Variants in AHCY observed in about 807,000 individuals in gnomAD.
AHCY encodes adenosylhomocysteinase, also known as S-adenosyl-L-homocysteine hydrolase.
In AHCY, 24 loss-of-function variants were observed where a neutral mutation model predicts 45.4. That is an observed-to-expected ratio of 0.53 (90% CI 0.38 to 0.74). AHCY has a LOEUF of 0.74. Ranked by LOEUF, AHCY falls within the 30% of genes least tolerant of loss-of-function variation. The probability of loss-of-function intolerance (pLI) is 0.00; values close to 1 mark genes in which losing one functional copy is unlikely to be tolerated. For missense variants in AHCY, 449 were observed against 594.1 expected (o/e 0.76, Z 2.54); for synonymous variants, 245 against 235.1 (o/e 1.04, Z -0.39).
At chr20:34,240,112 A>G in the AHCY span, among the ~76,000 whole-genome samples, 1 of 152,216 alleles carries the variant, frequency 6.6e-6, no homozygotes, top group Non-Finnish European at 1.5e-5. Flanking sequence ...GTTTTGAAAG[A>G]AAGCTCATTG....
chr20:34,295,267 G>T, intron 2 of AHCY, 128 bp downstream of exon 2: 1 of 1,131,618 alleles, frequency 8.8e-7, no homozygotes, highest in Non-Finnish European at 1.3e-6. Flanking sequence ...CGAGTGAGAG[G>T]GAGGAACCCC....
chr20:34,252,131 C>T, the AHCY span, among the ~76,000 whole-genome samples: 4 of 152,182 alleles, frequency 2.6e-5, no homozygotes, highest in East Asian at 1.9e-4. Flanking sequence ...CCTGCCCCTC[C>T]ACACCTGTGG....
At chr20:34,274,783 CA>C in the AHCY span, among the ~76,000 whole-genome samples, 58 of 151,266 alleles carry the variant, frequency 3.8e-4, no homozygotes, top group African/African-American at 1.4e-3. Context: ...CCCATCTCTA[CA>C]AAAAAAAATT....
At chr20:34,301,332 T>G (rs1298893633) in intron 1 of AHCY, among the ~76,000 whole-genome samples, 1 of 152,120 alleles carries the variant, frequency 6.6e-6, no homozygotes, top group Admixed American at 6.5e-5. Context: ...ACTCCTTCAG[T>G]GCCCTCGAGG....
At chr20:34,242,147 A>G in the AHCY span, among the ~76,000 whole-genome samples, 1 of 152,086 alleles carries the variant, frequency 6.6e-6, no homozygotes, top group Non-Finnish European at 1.5e-5. Flanking sequence ...TAAAGAGGCT[A>G]AATGGGATGG....
chr20:34,235,840 A>AGAAGGAAG, the AHCY span, among the ~76,000 whole-genome samples: 4 of 53,788 alleles, frequency 7.4e-5, no homozygotes, highest in African/African-American at 3.8e-4. Context: ...AAAGAAAGAA[A>AGAAGGAAG]GAAGGAAGGA....
At chr20:34,237,663 T>C in the AHCY span, among the ~76,000 whole-genome samples, 1 of 152,180 alleles carries the variant, frequency 6.6e-6, no homozygotes, top group Non-Finnish European at 1.5e-5. Flanking sequence ...GCCTAATTGT[T>C]CTAGGTAGAA....
At position 34,290,418 on chromosome 20, in the gene AHCY, C is replaced by A; in HGVS notation, c.886G>T (p.Val296Leu). Reference sequence around the variant, plus strand: ...ACGTCAAAGTGTCCAATGTTACACACAATGGCATCATCCTTCATCTGCTCA... The same window carrying A: ...ACGTCAAAGTGTCCAATGTTACACAAAATGGCATCATCCTTCATCTGCTCA... ...HFEQMKDDAI[V>L]CNIGHFDVEI... The change falls in exon 8 of 10, where the codon GTG becomes TTG. Residue 296 changes from valine to leucine, a missense_variant. Val to Leu is a conservative substitution (Grantham distance 32, BLOSUM62 1). Transcript: ENST00000217426. This position sits in a 1 kb window ranked among gnomAD's most constrained non-coding sequence, Gnocchi z 4.5. 1.2e-6 allele frequency: 2 copies of A among 1,614,256 alleles called. No individual in the cohort carries two copies. The highest frequency in any genetic ancestry group is 2.2e-5 in the South Asian group (2 of 91,084).
At chr20:34,242,195 T>C in the AHCY span, among the ~76,000 whole-genome samples, 1 of 151,236 alleles carries the variant, frequency 6.6e-6, no homozygotes, top group East Asian at 1.9e-4. Flanking sequence ...TTTAAAATTT[T>C]TATTTTATTT....
the AHCY span, among the ~76,000 whole-genome samples, chr20:34,253,086 A>G: frequency 6.6e-6 from 1 of 152,072 alleles, no homozygotes; most frequent in Non-Finnish European, 1.5e-5. Flanking sequence ...TAGACACAGT[A>G]ACAACCTGAT....
chr20:34,273,841 T>G, the AHCY span, among the ~76,000 whole-genome samples: 1 of 152,164 alleles, frequency 6.6e-6, no homozygotes, highest in African/African-American at 2.4e-5. Context: ...TTTGTTTAAT[T>G]GGTAAAATCC....
chr20:34,260,152 T>G, the AHCY span, among the ~76,000 whole-genome samples: 1 of 151,996 alleles, frequency 6.6e-6, no homozygotes. Context: ...CTTCTGTTCC[T>G]TGTCTTTCTC....
the AHCY span, among the ~76,000 whole-genome samples, chr20:34,258,702 ATATATATT>A: frequency 3.1e-4 from 29 of 94,832 alleles, 4 homozygotes; most frequent in African/African-American, 9.8e-4. Context: ...CATACTATAT[ATATATATT>A]ATATATATTA....
intron 1 of AHCY, among the ~76,000 whole-genome samples, chr20:34,310,706 T>G (rs2036938744): frequency 6.6e-6 from 1 of 152,246 alleles, no homozygotes; most frequent in Non-Finnish European, 1.5e-5. Context: ...TTTGTTTAAA[T>G]GAGCTGTTTA....
the AHCY span, among the ~76,000 whole-genome samples, chr20:34,258,832 TTA>T: frequency 2.7e-4 from 32 of 120,306 alleles, 1 homozygote; most frequent in South Asian, 4.7e-4. Flanking sequence ...ATATATAGTA[TTA>T]TATATATAGT....
At chr20:34,266,565 T>C in the AHCY span, among the ~76,000 whole-genome samples, 5 of 151,274 alleles carry the variant, frequency 3.3e-5, no homozygotes, top group Non-Finnish European at 7.4e-5. Context: ...CCCAGCTACC[T>C]GGGAGACTGA....
the AHCY span, among the ~76,000 whole-genome samples, chr20:34,234,186 T>G: frequency 6.6e-6 from 1 of 152,224 alleles, no homozygotes. Flanking sequence ...GCCCTTACCA[T>G]GCACACCACA....
the AHCY span, among the ~76,000 whole-genome samples, chr20:34,259,951 CTTA>C: frequency 6.6e-6 from 1 of 151,964 alleles, no homozygotes; most frequent in African/African-American, 2.4e-5. Context: ...ATTTATTAGC[CTTA>C]TTCTGTACAT....
At position 34,290,689 on chromosome 20, in the gene AHCY, T is replaced by C. The variant is rs769648243; in HGVS notation, c.766+42A>G. The C allele has an allele frequency of 1.2e-6, 2 of 1,613,730 alleles. No homozygotes were observed. Among genetic ancestry groups the C allele is most frequent in the East Asian group, 2.2e-5 (1 of 44,838 alleles). On this transcript the variant is annotated intron_variant, in intron 6 of 9. Transcript: ENST00000217426. The surrounding 1 kb of genome is among the most constrained non-coding windows in gnomAD (Gnocchi z 4.5). ...CATCTACGGTGGCCTTGCCCCTCCC[T>C]CTGGCCCCAGTGGCTGACAACCAAC...
Sources: gnomAD v4.1 joint callset for allele counts (sites outside exome capture counted in the v4.1 genomes callset) on GRCh38, gnomAD v4.1.1 for gene constraint, Gnocchi (gnomAD v3.1) non-coding constraint, MANE v1.5 for transcripts, NCBI Gene and HGNC (gene_info 2026-07-23, HGNC 2026-07-21) for gene names.